The following TMEM132D variants were observed in gnomAD, a reference collection of about 807,000 sequenced individuals.
The protein encoded by TMEM132D is transmembrane protein 132D.
A neutral mutation model predicts 62.3 loss-of-function variants in TMEM132D; 21 were observed. That is an observed-to-expected ratio of 0.34 (90% CI 0.24 to 0.49). TMEM132D has a LOEUF of 0.49. Ranked by LOEUF, TMEM132D falls within the 20% of genes least tolerant of loss-of-function variation. TMEM132D has a pLI of 0.99. For synonymous variants in TMEM132D, 621 were observed against 575.6 expected, an observed-to-expected ratio of 1.08 and a Z score of -1.13; for missense variants, 1,346 against 1,402.8, an observed-to-expected ratio of 0.96 and a Z score of 0.65.
At chr12:129,510,933 C>T (rs147381748) in intron 3 of TMEM132D, among the ~76,000 whole-genome samples, 73 of 152,204 alleles carry the variant, frequency 4.8e-4, no homozygotes, top group African/African-American at 1.3e-3. Context: ...CAGTACCATG[C>T]GGTTTAGGTT....
At chr12:129,417,142 C>T (rs1223699648) in intron 3 of TMEM132D, among the ~76,000 whole-genome samples, 1 of 152,078 alleles carries the variant, frequency 6.6e-6, no homozygotes, top group African/African-American at 2.4e-5. Flanking sequence ...CCTCTTTGTA[C>T]CTCTGGTAGA....
intron 4 of TMEM132D, among the ~76,000 whole-genome samples, 193 bp downstream of exon 4, chr12:129,337,441 G>GCGCGCACA (rs56091765): frequency 6.8e-6 from 1 of 148,112 alleles, no homozygotes; most frequent in African/African-American, 2.5e-5. Flanking sequence ...ATACACACAC[G>GCGCGCACA]CACACACACA....
chr12:129,625,668 T>C (rs1025288070), intron 2 of TMEM132D, among the ~76,000 whole-genome samples: 4 of 152,222 alleles, frequency 2.6e-5, no homozygotes, highest in African/African-American at 9.6e-5. Context: ...CTGTAACGCT[T>C]TAGGAATACT....
chr12:129,754,112 A>C (rs1194833706), intron 1 of TMEM132D, among the ~76,000 whole-genome samples: 1 of 152,206 alleles, frequency 6.6e-6, no homozygotes, highest in African/African-American at 2.4e-5. Context: ...TTGAAGAAGA[A>C]GAAGAGATAT....
intron 2 of TMEM132D, among the ~76,000 whole-genome samples, chr12:129,588,886 C>G (rs775947754): frequency 1.4e-4 from 21 of 151,442 alleles, no homozygotes; most frequent in Admixed American, 4.0e-4. Context: ...AAAGTAGCAA[C>G]AAAATTACTC....
chr12:129,756,038 T>C (rs1870158099), intron 1 of TMEM132D, among the ~76,000 whole-genome samples: 1 of 152,156 alleles, frequency 6.6e-6, no homozygotes, highest in African/African-American at 2.4e-5. Context: ...GGTGGACAAA[T>C]GCTGTATGAT....
At chr12:129,574,763 A>T (rs1235943386) in intron 2 of TMEM132D, among the ~76,000 whole-genome samples, 1 of 151,944 alleles carries the variant, frequency 6.6e-6, no homozygotes, top group Non-Finnish European at 1.5e-5. Flanking sequence ...CACATGAACA[A>T]CTGGGAAATC....
chr12:129,225,386 T>C (rs941563169), intron 4 of TMEM132D, among the ~76,000 whole-genome samples: 1 of 152,194 alleles, frequency 6.6e-6, no homozygotes, highest in African/African-American at 2.4e-5. Context: ...GGCCAAGGTA[T>C]GTCAGTTCTT....
chr12:129,407,901 A>C (rs1234047048), intron 3 of TMEM132D, among the ~76,000 whole-genome samples: 1 of 152,028 alleles, frequency 6.6e-6, no homozygotes, highest in Non-Finnish European at 1.5e-5. Flanking sequence ...AAAAAAAAAA[A>C]AAAAGCTAAT....
At chr12:129,415,128 AG>A (rs1872079363) in intron 3 of TMEM132D, among the ~76,000 whole-genome samples, 1 of 152,160 alleles carries the variant, frequency 6.6e-6, no homozygotes, top group Non-Finnish European at 1.5e-5. Context: ...ATGAACAATG[AG>A]TGTGGGAGTG....
chr12:129,552,006 A>G (rs967289888), intron 2 of TMEM132D, among the ~76,000 whole-genome samples: 1 of 152,218 alleles, frequency 6.6e-6, no homozygotes, highest in African/African-American at 2.4e-5. Context: ...GTCCTTATAC[A>G]TAGGCGAGGG....
chr12:129,077,735 C>A (rs1334274463), intron 8 of TMEM132D, among the ~76,000 whole-genome samples: 2 of 152,018 alleles, frequency 1.3e-5, no homozygotes, highest in Non-Finnish European at 2.9e-5. Flanking sequence ...TAGACACATG[C>A]AATGCATACA....
intron 5 of TMEM132D, among the ~76,000 whole-genome samples, chr12:129,202,110 T>C (rs1878721840): frequency 6.6e-6 from 1 of 152,212 alleles, no homozygotes; most frequent in African/African-American, 2.4e-5. Context: ...TCAGTGGATT[T>C]CCTGAGAGGA....
At chr12:129,341,575 C>T (rs562139252) in intron 3 of TMEM132D, among the ~76,000 whole-genome samples, 1 of 152,192 alleles carries the variant, frequency 6.6e-6, no homozygotes, top group African/African-American at 2.4e-5. Context: ...TTAGGCATTC[C>T]TAGCCTCTAG....
intron 4 of TMEM132D, among the ~76,000 whole-genome samples, chr12:129,324,892 T>C (rs769299853): frequency 6.6e-6 from 1 of 152,186 alleles, no homozygotes; most frequent in African/African-American, 2.4e-5. Context: ...CCCAAACATG[T>C]CTTCTTTGTC....
chr12:129,707,073 A>G (rs1340931232), intron 1 of TMEM132D, among the ~76,000 whole-genome samples: 1 of 150,536 alleles, frequency 6.6e-6, no homozygotes, highest in Non-Finnish European at 1.5e-5. Context: ...AAGAAGCATT[A>G]ATAAAAACAA....
chr12:129,474,225 T>C (rs1874191732), intron 3 of TMEM132D, among the ~76,000 whole-genome samples: 1 of 152,206 alleles, frequency 6.6e-6, no homozygotes. Flanking sequence ...ACCACAGTAA[T>C]ATTTTTACTA....
intron 2 of TMEM132D, among the ~76,000 whole-genome samples, chr12:129,628,346 A>G (rs1287713430): frequency 6.6e-6 from 1 of 152,166 alleles, no homozygotes. Context: ...TCCAAGGCAG[A>G]GCAGGGCAAT....
intron 5 of TMEM132D, among the ~76,000 whole-genome samples, chr12:129,107,511 G>A: frequency 6.6e-6 from 1 of 152,206 alleles, no homozygotes; most frequent in Non-Finnish European, 1.5e-5. Context: ...AGTAGCTGCT[G>A]AAGACATTTT....
Sources: gnomAD v4.1 joint callset for allele counts (sites outside exome capture counted in the v4.1 genomes callset) on GRCh38, gnomAD v4.1.1 for gene constraint, MANE v1.5 for transcripts, NCBI Gene and HGNC (gene_info 2026-07-23, HGNC 2026-07-21) for gene names.